The following DDX18 variants were observed in gnomAD, a reference collection of about 807,000 sequenced individuals.
DDX18 encodes the protein DEAD-box helicase 18.
In DDX18, 23 loss-of-function variants were observed where a neutral mutation model predicts 73.5. The ratio of observed to expected loss-of-function variants is 0.31; its 90% CI spans 0.23 to 0.44. The LOEUF (loss-of-function observed/expected upper bound fraction) is 0.44. Ranked by LOEUF, DDX18 falls within the 20% of genes least tolerant of loss-of-function variation. DDX18 has a pLI of 1.00. For missense variants in DDX18, 753 were observed against 792.9 expected (o/e 0.95, Z 0.60); for synonymous variants, 268 against 282.7 (o/e 0.95, Z 0.52).
At position 117,814,714 on chromosome 2, in the gene DDX18, C is replaced by T. The variant is rs1679723215; in HGVS notation, c.-64C>T. On this transcript the variant is annotated 5_prime_UTR_variant, in exon 1 of 14. It adds an upstream start codon to the 5' untranslated region. Transcript: ENST00000263239. ...GCACGTGCGGCCGGAAGGGAAGTAACGTCAGCCTGAGAACTGAGTAGCTGT... is the reference window on the plus strand; with the variant it reads ...GCACGTGCGGCCGGAAGGGAAGTAATGTCAGCCTGAGAACTGAGTAGCTGT... 12 of 1,531,812 alleles carry T rather than the reference C, an allele frequency of 7.8e-6. No individual in the cohort carries two copies. The highest frequency in any genetic ancestry group is 4.6e-5 in the South Asian group (4 of 87,146). 94.9% of individuals were successfully genotyped at this position (1,531,812 alleles called of 1,614,324 possible).
At chr2:117,830,443 G>GGAAA (rs1680002562) in intron 13 of DDX18, 139 bp from the exon 14 acceptor site, 1 of 1,060,956 alleles carries the variant, frequency 9.4e-7, no homozygotes, top group Non-Finnish European at 1.3e-6. Context: ...TATTGCATAG[G>GGAAA]CTTATGTTCC....
In DDX18 at chr2:117,825,566, G is replaced by A. The variant is rs767512933; in HGVS notation, c.1488G>A (p.Trp496Ter). The change falls in exon 10 of 14, where the codon TGG becomes TGA. Residue 496 changes from tryptophan (W) to a stop codon, truncating the protein, a stop_gained. Coordinates refer to ENST00000263239, the MANE Select transcript of DDX18 (RefSeq NM_006773.4). LOFTEE classifies it high-confidence loss of function. ...ARGLDIPEVD[W>*]IVQYDPPDDP... ...GACTAGACATTCCTGAAGTCGACTG[G>A]ATTGTTCAGTATGACCCTCCGGATG... 6.2e-7 allele frequency: 1 copy of A among 1,614,182 alleles called. No homozygotes were observed. Among genetic ancestry groups the A allele is most frequent in the African/African-American group, 1.3e-5 (1 of 75,040 alleles).
intron 1 of DDX18, chr2:117,815,739 C>T (rs775451695): frequency 6.6e-6 from 1 of 152,146 alleles, no homozygotes; most frequent in Non-Finnish European, 1.5e-5. Flanking sequence ...TAAATTTGAA[C>T]AAAAGATGGT....
chr2:117,823,037 A>C (rs1165311929), intron 7 of DDX18, among the ~76,000 whole-genome samples: 1 of 152,194 alleles, frequency 6.6e-6, no homozygotes, highest in Non-Finnish European at 1.5e-5. Context: ...TGTTTTCCAA[A>C]GCGGCTGTAC....
chr2:117,822,506 C>T, intron 7 of DDX18: 1 of 391,128 alleles, frequency 2.6e-6, no homozygotes, highest in Admixed American at 4.0e-5. Flanking sequence ...CTGTCCTCCA[C>T]CTCTTGCCCA....
At chr2:117,815,316 C>A (rs72834310) in intron 1 of DDX18, among the ~76,000 whole-genome samples, 9,524 of 152,282 alleles carry the variant, frequency 0.063, 338 homozygotes, top group Non-Finnish European at 0.087. Flanking sequence ...TTCCACAGAG[C>A]TTCTTTGATA....
chr2:117,829,253 T>G, intron 12 of DDX18, 36 bp from the exon 13 acceptor site: 2 of 1,553,080 alleles, frequency 1.3e-6, no homozygotes, highest in Non-Finnish European at 1.7e-6. Context: ...TTTGTTTGTT[T>G]TTGTTTATTA....
At chr2:117,822,520 T>C (rs1283610724) in intron 7 of DDX18, 1 of 361,748 alleles carries the variant, frequency 2.8e-6, no homozygotes, top group Non-Finnish European at 5.2e-6. Context: ...TTGCCCATTC[T>C]TACCTCATCT....
intron 2 of DDX18, 117 bp from the exon 3 acceptor site, chr2:117,819,532 A>G (rs1679810352): frequency 1.1e-5 from 11 of 998,838 alleles, no homozygotes; most frequent in Non-Finnish European, 1.4e-5. Flanking sequence ...TTAATACAGC[A>G]TATACTTAGC....
At chr2:117,818,747 C>G (rs1679799474) in intron 2 of DDX18, among the ~76,000 whole-genome samples, 1 of 152,046 alleles carries the variant, frequency 6.6e-6, no homozygotes, top group South Asian at 2.1e-4. Context: ...GTCTTGAACT[C>G]CTGGGCTCAA....
intron 2 of DDX18, among the ~76,000 whole-genome samples, chr2:117,819,269 ATCTC>A (rs1236503040): frequency 1.3e-5 from 2 of 152,202 alleles, no homozygotes; most frequent in East Asian, 3.9e-4. Context: ...TTTACAGTCT[ATCTC>A]TAGTAACATG....
intron 13 of DDX18, 38 bp from the exon 14 acceptor site, chr2:117,830,544 T>C: frequency 6.2e-7 from 1 of 1,602,140 alleles, no homozygotes; most frequent in Non-Finnish European, 8.5e-7. Flanking sequence ...TGGAGTTCAT[T>C]ATCTTTTTTG....
In DDX18 at chr2:117,829,389, TCTTTAATGTTAA is replaced by T. The variant is rs760605840; in HGVS notation, c.1794_1805del (p.Phe599_Asn602del). Reference sequence around the variant, plus strand: ...TATGATTCCCATTCTCTGAAACAGATCTTTAATGTTAATAACCTAAATTTGCCTCAGGTTGCT... The same window carrying T: ...TATGATTCCCATTCTCTGAAACAGATTAACCTAAATTTGCCTCAGGTTGCT... On this transcript the variant is annotated inframe_deletion, in exon 13 of 14. Transcript: ENST00000263239. 3 of 1,614,048 alleles carry T rather than the reference TCTTTAATGTTAA, an allele frequency of 1.9e-6. No homozygotes were observed. The highest frequency in any genetic ancestry group is 2.5e-6 in the Non-Finnish European group (3 of 1,180,022).
intron 7 of DDX18, chr2:117,822,480 A>C (rs1679862561): frequency 4.5e-6 from 2 of 447,448 alleles, no homozygotes; most frequent in African/African-American, 4.0e-5. Flanking sequence ...CACGTTAAGC[A>C]GTCTTCACAT....
At position 117,819,769 on chromosome 2, in the gene DDX18, C is replaced by G; in HGVS notation, c.491C>G (p.Pro164Arg). 6.3e-7 allele frequency: 1 copy of G among 1,594,830 alleles called. No individual in the cohort carries two copies. Among genetic ancestry groups the G allele is most frequent in the Non-Finnish European group, 8.5e-7 (1 of 1,173,882 alleles). The change falls in exon 3 of 14, where the codon CCC (proline) becomes CGC (arginine). Residue 164 changes from proline to arginine, a missense_variant. Pro to Arg is a moderately radical substitution (Grantham distance 103). Transcript: ENST00000263239. Reference sequence around the variant, plus strand: ...AATGATGAAGATGAGAGTGAGGTGCCCAGTCTGCCCCTGGGACTGACAGGT... The same window carrying G: ...AATGATGAAGATGAGAGTGAGGTGCGCAGTCTGCCCCTGGGACTGACAGGT... ...PDNDEDESEV[P>R]SLPLGLTGAF...
chr2:117,829,513 C>T (rs1003694756), intron 13 of DDX18, 47 bp downstream of exon 13: 1 of 1,558,492 alleles, frequency 6.4e-7, no homozygotes, highest in African/African-American at 1.4e-5. Context: ...GGAACAAAAG[C>T]TTGACAGAGG....
chr2:117,824,532 A>T, intron 7 of DDX18, 37 bp from the exon 8 acceptor site: 2 of 1,342,530 alleles, frequency 1.5e-6, no homozygotes, highest in Middle Eastern at 2.9e-4. Flanking sequence ...AAGATTCCCT[A>T]AAAGATTGGG....
intron 8 of DDX18, 112 bp downstream of exon 8, chr2:117,824,820 A>G (rs941725042): frequency 2.0e-6 from 3 of 1,464,122 alleles, no homozygotes; most frequent in African/African-American, 2.9e-5. Context: ...AAAATGCTGT[A>G]GGTGAGGCAT....
At chr2:117,818,284 C>T (rs750735246) in intron 2 of DDX18, among the ~76,000 whole-genome samples, 7 of 152,158 alleles carry the variant, frequency 4.6e-5, no homozygotes, top group Non-Finnish European at 1.0e-4. Flanking sequence ...GGTCAGCAAA[C>T]TATCCCTCCT....
Sources: allele counts gnomAD v4.1 joint callset (sites outside exome capture counted in the v4.1 genomes callset), GRCh38; gene constraint gnomAD v4.1.1; transcripts MANE v1.5; gene names NCBI Gene and HGNC (gene_info 2026-07-23, HGNC 2026-07-21).